The following RREB1 variants were observed in gnomAD, a reference collection of about 807,000 sequenced individuals.
RREB1 encodes the protein ras-responsive element-binding protein 1.
RREB1 carries 27 observed loss-of-function variants against 117.8 expected under a neutral mutation model. The observed-to-expected ratio is 0.23, with a 90% CI of 0.17 to 0.32. The LOEUF is 0.32. Ranked by LOEUF, RREB1 falls within the 10% of genes least tolerant of loss-of-function variation. RREB1 has a pLI of 1.00. For missense variants in RREB1, 2,577 were observed against 2,378.2 expected (o/e 1.08, Z -1.74); for synonymous variants, 1,298 against 1,026.7 (o/e 1.26, Z -5.05).
At chr6:7,170,637 C>G (rs1239760578) in intron 1 of RREB1, among the ~76,000 whole-genome samples, 1 of 152,224 alleles carries the variant, frequency 6.6e-6, no homozygotes, top group Non-Finnish European at 1.5e-5. Flanking sequence ...TGAAGCCTAC[C>G]TCTGATGTGT....
intron 6 of RREB1, among the ~76,000 whole-genome samples, chr6:7,198,355 G>A (rs889904785): frequency 4.6e-5 from 7 of 152,084 alleles, no homozygotes; most frequent in African/African-American, 7.2e-5. Flanking sequence ...ACCCTGCCCC[G>A]GACTGTGTGA....
At chr6:7,207,556 C>A (rs563361789) in intron 6 of RREB1, among the ~76,000 whole-genome samples, 1 of 152,234 alleles carries the variant, frequency 6.6e-6, no homozygotes, top group East Asian at 1.9e-4. Context: ...CCAATGGAAC[C>A]CACCCAGGCT....
chr6:7,162,359 G>A (rs879392868), intron 1 of RREB1, among the ~76,000 whole-genome samples: 7 of 151,902 alleles, frequency 4.6e-5, no homozygotes, highest in African/African-American at 7.3e-5. Context: ...AGCTTTCTGC[G>A]TGTGGCTGGG....
intron 1 of RREB1, among the ~76,000 whole-genome samples, chr6:7,108,938 G>C (rs1760988034): frequency 6.6e-6 from 1 of 151,456 alleles, no homozygotes; most frequent in Non-Finnish European, 1.5e-5. Flanking sequence ...CTAGCCGTGC[G>C]GGCACGTATT....
At chr6:7,203,683 C>G (rs1766112731) in intron 6 of RREB1, among the ~76,000 whole-genome samples, 1 of 152,216 alleles carries the variant, frequency 6.6e-6, no homozygotes, top group Non-Finnish European at 1.5e-5. Flanking sequence ...GATTCCTTAA[C>G]TTCTGATAAA....
intron 6 of RREB1, among the ~76,000 whole-genome samples, chr6:7,206,981 TG>T (rs1421664034): frequency 6.6e-6 from 1 of 152,178 alleles, no homozygotes; most frequent in Non-Finnish European, 1.5e-5. Flanking sequence ...ATTCTAAGAA[TG>T]GGACTGTCAG....
chr6:7,154,530 G>T (rs756827729), intron 1 of RREB1, among the ~76,000 whole-genome samples: 1 of 152,188 alleles, frequency 6.6e-6, no homozygotes, highest in Non-Finnish European at 1.5e-5. Context: ...CTGAGGGATG[G>T]TATCATGTGT....
At position 7,192,116 on chromosome 6, in the gene RREB1, A is replaced by AT. The variant is rs34074532; in HGVS notation, c.425+2821dup. Among the ~76,000 whole-genome samples, 38 of 15,316 alleles carry AT rather than the reference A, an allele frequency of 2.5e-3. 4 individuals are homozygous for AT. The highest frequency in any genetic ancestry group is 6.0e-3 in the African/African-American group (20 of 3,352). 10.0% of individuals were successfully genotyped at this position (15,316 alleles called of 152,430 possible). A position where few individuals can be genotyped will look rare whatever the true frequency, so the allele number is the denominator to read the frequency against. On this transcript the variant is annotated intron_variant, in intron 6 of 12. Transcript: ENST00000379938. ...AAAAGGTATTGGATTTTGTCAGATG[A>AT]TTTTTTTTTTTTTTTTTTTTTTTTT...
At chr6:7,130,962 G>A (rs1225644589) in intron 1 of RREB1, among the ~76,000 whole-genome samples, 9 of 127,328 alleles carry the variant, frequency 7.1e-5, no homozygotes, top group East Asian at 4.3e-4. Context: ...TTTTTGAGAC[G>A]GAGTCTTGCT....
intron 8 of RREB1, chr6:7,214,247 C>T (rs954417140): frequency 6.6e-6 from 1 of 152,256 alleles, no homozygotes; most frequent in Non-Finnish European, 1.5e-5. Flanking sequence ...TCCAGCTAGC[C>T]GACCTAGAGG....
At chr6:7,214,268 C>T (rs940505313) in intron 8 of RREB1, 1 of 152,262 alleles carries the variant, frequency 6.6e-6, no homozygotes, top group Non-Finnish European at 1.5e-5. Flanking sequence ...ATTTTCCTCA[C>T]CTGTTTACTA....
chr6:7,109,215 G>A (rs1264962468), intron 1 of RREB1, among the ~76,000 whole-genome samples: 1 of 151,878 alleles, frequency 6.6e-6, no homozygotes, highest in African/African-American at 2.4e-5. Flanking sequence ...CCCGGCCCCC[G>A]GCGTCTAGCT....
intron 1 of RREB1, among the ~76,000 whole-genome samples, chr6:7,148,448 C>T (rs770606656): frequency 2.4e-4 from 36 of 151,102 alleles, no homozygotes; most frequent in Non-Finnish European, 2.9e-4. Context: ...TTTCTTAAAA[C>T]TGCCTGTGTA....
chr6:7,119,504 G>A (rs1208028112), intron 1 of RREB1, among the ~76,000 whole-genome samples: 4 of 152,184 alleles, frequency 2.6e-5, no homozygotes, highest in African/African-American at 9.7e-5. Context: ...TGACATTTGA[G>A]CTAATAGCTG....
At chr6:7,223,632 C>A (rs566847797) in intron 8 of RREB1, among the ~76,000 whole-genome samples, 30 of 148,102 alleles carry the variant, frequency 2.0e-4, no homozygotes, top group Non-Finnish European at 3.3e-4. Context: ...TATTTTTTAT[C>A]TCACCCTTTT....
At chr6:7,121,348 G>T (rs1009999970) in intron 1 of RREB1, among the ~76,000 whole-genome samples, 2 of 152,052 alleles carry the variant, frequency 1.3e-5, no homozygotes, top group Admixed American at 6.6e-5. Context: ...AGAGCCTTTG[G>T]GTAGGGACCA....
intron 8 of RREB1, chr6:7,213,233 T>G (rs1380561676): frequency 1.3e-5 from 2 of 152,242 alleles, no homozygotes; most frequent in African/African-American, 4.8e-5. Context: ...GGCGCAATCT[T>G]GGCTCACTGC....
In RREB1 at chr6:7,153,333, G is replaced by A. The variant is rs144730364; in HGVS notation, c.-284-23322G>A. Among the ~76,000 whole-genome samples, 159 of 151,220 alleles carry A rather than the reference G, an allele frequency of 1.1e-3. 1 individual carries two copies. The East Asian group carries it at 0.027, about 25-fold the overall frequency. ...GGCAAAACAAGTTATCAGTCCACAC[G>A]TGATTACATAAATAAAATTGAAACC... On this transcript the variant is annotated intron_variant, in intron 1 of 12. Transcript: ENST00000379938.
At chr6:7,169,353 G>C (rs904885936) in intron 1 of RREB1, among the ~76,000 whole-genome samples, 1 of 152,240 alleles carries the variant, frequency 6.6e-6, no homozygotes, top group Non-Finnish European at 1.5e-5. Flanking sequence ...CAGCATGGGT[G>C]CTTCCTTATT....
Sources: allele counts gnomAD v4.1 joint callset (sites outside exome capture counted in the v4.1 genomes callset), GRCh38; gene constraint gnomAD v4.1.1; transcripts MANE v1.5; gene names NCBI Gene and HGNC (gene_info 2026-07-23, HGNC 2026-07-21).